The following DISC1 variants were observed in gnomAD, a reference collection of about 807,000 sequenced individuals.
The protein encoded by DISC1 is DISC1 scaffold protein.
Under a neutral mutation model 84.5 loss-of-function variants are expected in DISC1, and 57 were observed. The observed-to-expected ratio is 0.67, with a 90% CI of 0.55 to 0.84. The LOEUF (loss-of-function observed/expected upper bound fraction) is 0.84, where lower values mean the gene tolerates loss of function less well. Among genes scored for constraint, DISC1 ranks in the 40% least tolerant of loss-of-function variants. The pLI, the probability that DISC1 is intolerant of heterozygous loss-of-function variation, is 0.00. For missense variants in DISC1, 1,000 were observed against 1,057.8 expected (o/e 0.95, Z 0.76); for synonymous variants, 411 against 415.2 (o/e 0.99, Z 0.12).
At chr1:231,733,217 GTGT>G (rs1487586839) in intron 3 of DISC1, among the ~76,000 whole-genome samples, 2 of 150,346 alleles carry the variant, frequency 1.3e-5, no homozygotes, top group Admixed American at 6.6e-5. Context: ...GAGTGTAGGA[GTGT>G]TGTTGGTGAT....
intron 1 of DISC1, among the ~76,000 whole-genome samples, chr1:231,633,798 A>C (rs1199691868): frequency 6.6e-6 from 1 of 152,096 alleles, no homozygotes; most frequent in Non-Finnish European, 1.5e-5. Context: ...TTAATGAGTA[A>C]GTTGTGTCCT....
chr1:231,937,570 C>T (rs1377964423), intron 9 of DISC1, among the ~76,000 whole-genome samples: 2 of 152,184 alleles, frequency 1.3e-5, no homozygotes, highest in Non-Finnish European at 1.5e-5. Flanking sequence ...CTGACAAGGT[C>T]CTGGCCCCCG....
At position 231,694,156 on chromosome 1, in the gene DISC1, G is replaced by C. The variant is rs770528086; in HGVS notation, c.398G>C (p.Ser133Thr). Residue 133 changes from serine (S) to threonine (T), a missense_variant, in exon 2 of 13, where the codon AGC becomes ACC. Physicochemically the swap from Ser to Thr is moderately conservative, Grantham distance 58. Around this residue, in one of 3 missense-constraint regions of DISC1, gnomAD observed 292 missense variants for 280.2 expected, o/e 1.04. Transcript: ENST00000439617. The part of the protein sequence containing the change: ...RGGTRLPDRL[S>T]WPCGPGSAGW... ...GGCACCAGATTGCCTGACAGGCTTA[G>C]CTGGCCGTGTGGCCCTGGGAGTGCT... is the stretch of plus-strand genomic sequence containing the variant. The C allele has an allele frequency of 6.2e-7, 1 of 1,614,168 alleles. No individual in the cohort carries two copies. Among genetic ancestry groups the C allele is most frequent in the South Asian group, 1.1e-5 (1 of 91,082 alleles).
At chr1:231,659,434 G>A (rs548438985) in intron 1 of DISC1, among the ~76,000 whole-genome samples, 1 of 151,954 alleles carries the variant, frequency 6.6e-6, no homozygotes, top group South Asian at 2.1e-4. Context: ...CCAGTTTCTG[G>A]ATTTGTTGAT....
intron 10 of DISC1, among the ~76,000 whole-genome samples, chr1:231,966,946 G>T (rs552442447): frequency 6.6e-6 from 1 of 152,256 alleles, no homozygotes; most frequent in African/African-American, 2.4e-5. Context: ...AAAGTAGTTG[G>T]ATACCTCCTT....
At chr1:231,811,174 A>T (rs2080257771) in intron 8 of DISC1, among the ~76,000 whole-genome samples, 1 of 152,250 alleles carries the variant, frequency 6.6e-6, no homozygotes, top group Admixed American at 6.5e-5. Flanking sequence ...CTCACAGCAA[A>T]TGCTTTTGGC....
chr1:231,928,296 G>C (rs984885946), intron 9 of DISC1, among the ~76,000 whole-genome samples: 22 of 152,354 alleles, frequency 1.4e-4, no homozygotes, highest in African/African-American at 5.1e-4. Flanking sequence ...TAATGTTCTT[G>C]TCCTGTTGGG....
intron 1 of DISC1, among the ~76,000 whole-genome samples, chr1:231,681,686 T>C (rs2063707306): frequency 6.6e-6 from 1 of 152,110 alleles, no homozygotes; most frequent in Non-Finnish European, 1.5e-5. Context: ...AACAGGAGAA[T>C]AGGCATAGAC....
At chr1:231,806,988 A>C (rs1311438000) in intron 8 of DISC1, among the ~76,000 whole-genome samples, 1 of 152,240 alleles carries the variant, frequency 6.6e-6, no homozygotes, top group Admixed American at 6.5e-5. Context: ...GGGACTTTCC[A>C]AACCACGGAC....
intron 10 of DISC1, among the ~76,000 whole-genome samples, chr1:231,983,346 A>C (rs773614742): frequency 6.6e-6 from 1 of 151,398 alleles, no homozygotes; most frequent in Non-Finnish European, 1.5e-5. Context: ...GTATGCTTGC[A>C]GGAGTCAGGG....
intron 10 of DISC1, among the ~76,000 whole-genome samples, chr1:231,988,055 G>A (rs527646262): frequency 3.9e-5 from 6 of 152,200 alleles, no homozygotes; most frequent in Middle Eastern, 3.4e-3. Flanking sequence ...GTGTGGTGAC[G>A]TGTGCCTGTA....
At chr1:231,650,379 T>G (rs1358119455) in intron 1 of DISC1, among the ~76,000 whole-genome samples, 1 of 152,202 alleles carries the variant, frequency 6.6e-6, no homozygotes, top group East Asian at 1.9e-4. Flanking sequence ...TTAAGAATAT[T>G]GAATATTGGC....
At chr1:231,892,723 C>T (rs1336721093) in intron 9 of DISC1, among the ~76,000 whole-genome samples, 1 of 151,312 alleles carries the variant, frequency 6.6e-6, no homozygotes, top group Non-Finnish European at 1.5e-5. Flanking sequence ...CTAGGGGCAT[C>T]AGGATAGACA....
intron 3 of DISC1, among the ~76,000 whole-genome samples, chr1:231,742,824 C>T (rs1001875060): frequency 7.2e-5 from 11 of 151,820 alleles, no homozygotes; most frequent in South Asian, 2.1e-4. Flanking sequence ...GCAGGAGGAT[C>T]GCTTGAGCCC....
At chr1:231,860,283 G>T (rs535880827) in intron 9 of DISC1, among the ~76,000 whole-genome samples, 1 of 152,222 alleles carries the variant, frequency 6.6e-6, no homozygotes, top group South Asian at 2.1e-4. Context: ...TAATAATGCA[G>T]GTTGAGTATC....
chr1:231,905,320 C>G (rs2088545074), intron 9 of DISC1, among the ~76,000 whole-genome samples: 1 of 152,186 alleles, frequency 6.6e-6, no homozygotes, highest in Non-Finnish European at 1.5e-5. Flanking sequence ...AAGGTCAAGA[C>G]AGTCAAGGAA....
intron 11 of DISC1, among the ~76,000 whole-genome samples, chr1:232,014,032 A>T (rs1052487982): frequency 1.3e-5 from 2 of 152,166 alleles, no homozygotes; most frequent in Non-Finnish European, 2.9e-5. Context: ...TGTCACACTT[A>T]GGGGTATCAT....
chr1:231,842,771 G>T (rs752300849), intron 9 of DISC1, among the ~76,000 whole-genome samples: 8 of 152,130 alleles, frequency 5.3e-5, no homozygotes, highest in Non-Finnish European at 1.0e-4. Flanking sequence ...CCAATGGTGG[G>T]TCCAGGTTTT....
At chr1:231,691,606 T>G in intron 1 of DISC1, among the ~76,000 whole-genome samples, 1 of 152,234 alleles carries the variant, frequency 6.6e-6, no homozygotes, top group Non-Finnish European at 1.5e-5. Flanking sequence ...TAGTTAAAAG[T>G]CTTTTTAAAC....
Sources: allele counts gnomAD v4.1 joint callset (sites outside exome capture counted in the v4.1 genomes callset), GRCh38; gene constraint gnomAD v4.1.1; regional missense constraint gnomAD v4.1.1; transcripts MANE v1.5; gene names NCBI Gene and HGNC (gene_info 2026-07-23, HGNC 2026-07-21).